The following COL27A1 variants were observed in gnomAD, a reference collection of about 807,000 sequenced individuals.
COL27A1 encodes collagen alpha-1(XXVII) chain.
Under a neutral mutation model 251.3 loss-of-function variants are expected in COL27A1, and 106 were observed. The ratio of observed to expected loss-of-function variants is 0.42; its 90% confidence interval spans 0.36 to 0.50. The LOEUF is 0.50. Among genes scored for constraint, COL27A1 ranks in the 20% least tolerant of loss-of-function variants. The pLI is 0.00. For missense variants in COL27A1, 2,325 were observed against 2,522.8 expected (o/e 0.92, Z 1.68); for synonymous variants, 1,000 against 986.3 (o/e 1.01, Z -0.26).
At chr9:114,240,868 G>C (rs554630902) in intron 21 of COL27A1, among the ~76,000 whole-genome samples, 7 of 152,304 alleles carry the variant, frequency 4.6e-5, no homozygotes, top group African/African-American at 1.7e-4. Flanking sequence ...GCCCAGAGAG[G>C]AAAAGAGACT....
chr9:114,178,158 T>A, intron 3 of COL27A1, 133 bp from the exon 4 acceptor site: 1 of 712,124 alleles, frequency 1.4e-6, no homozygotes, highest in Non-Finnish European at 2.5e-6. Flanking sequence ...GGCAGGGACC[T>A]CAGGGGACTC....
At chr9:114,276,704 C>T (rs1395981868) in intron 37 of COL27A1, among the ~76,000 whole-genome samples, 2 of 152,248 alleles carry the variant, frequency 1.3e-5, no homozygotes, top group African/African-American at 4.8e-5. Context: ...GAACTCTGCT[C>T]TTCCACCCTA....
intron 5 of COL27A1, among the ~76,000 whole-genome samples, chr9:114,189,590 T>C (rs1264177304): frequency 1.3e-5 from 2 of 152,250 alleles, no homozygotes; most frequent in Admixed American, 6.5e-5. Flanking sequence ...AATTGCCGTC[T>C]TTAAAATATT....
intron 27 of COL27A1, among the ~76,000 whole-genome samples, chr9:114,253,317 A>AAGAAAGAAAGAAAGAG (rs1179949305): frequency 4.7e-5 from 7 of 149,900 alleles, no homozygotes; most frequent in East Asian, 1.9e-4. Flanking sequence ...GAAAGAAAGA[A>AAGAAAGAAAGAAAGAG]AGAGAGAGGA....
intron 49 of COL27A1, 38 bp from the exon 50 acceptor site, chr9:114,300,032 G>A (rs376081923): frequency 6.2e-7 from 1 of 1,611,500 alleles, no homozygotes; most frequent in Non-Finnish European, 8.5e-7. Flanking sequence ...CGCTGACCAT[G>A]AGCTCACTCG....
intron 14 of COL27A1, among the ~76,000 whole-genome samples, chr9:114,224,704 G>A (rs1267386161): frequency 1.4e-5 from 2 of 141,404 alleles, no homozygotes; most frequent in Non-Finnish European, 3.0e-5. Context: ...CCAGGCTGGA[G>A]TTCAGTGGTG....
At chr9:114,202,416 C>T (rs1022378395) in intron 7 of COL27A1, among the ~76,000 whole-genome samples, 23 of 152,174 alleles carry the variant, frequency 1.5e-4, no homozygotes, top group African/African-American at 5.1e-4. Context: ...AGGATAATTA[C>T]TCATACAGAG....
intron 58 of COL27A1, 139 bp downstream of exon 58, chr9:114,306,827 G>A: frequency 1.1e-6 from 1 of 906,284 alleles, no homozygotes; most frequent in Non-Finnish European, 1.6e-6. Flanking sequence ...TATTCACTCA[G>A]CAGTCACAGA....
At chr9:114,182,690 G>A (rs1034468228) in intron 4 of COL27A1, among the ~76,000 whole-genome samples, 1 of 152,198 alleles carries the variant, frequency 6.6e-6, no homozygotes, top group Non-Finnish European at 1.5e-5. Context: ...TCAAGGTCCA[G>A]CTCTGCCTCT....
rs374157243 is a variant in COL27A1 at position 114,166,274 on chromosome 9, C to CCATCCATCCAT, written c.134-1414_134-1413insATCCATCCATC. ...ATCCATCTGTCCATCCATCCATCCA[C>CCATCCATCCAT]CCATCCATCCATCCATCTATTCATC... On this transcript the variant is annotated intron_variant, in intron 2 of 60. Coordinates refer to ENST00000356083, the MANE Select transcript of COL27A1 (RefSeq NM_032888.4). Among the ~76,000 whole-genome samples the CCATCCATCCAT allele has an allele frequency of 6.0e-4, 76 of 126,972 alleles. 1 individual carries two copies. Among genetic ancestry groups the CCATCCATCCAT allele is most frequent in the African/African-American group, 2.0e-3 (65 of 32,030 alleles). 83.3% of individuals were successfully genotyped at this position (126,972 alleles called of 152,430 possible).
chr9:114,221,387 C>A (rs1233509095), intron 13 of COL27A1, among the ~76,000 whole-genome samples: 1 of 152,180 alleles, frequency 6.6e-6, no homozygotes, highest in Non-Finnish European at 1.5e-5. Flanking sequence ...TGCGAGTTTC[C>A]TTGGCGAGCG....
chr9:114,288,496 G>A lies in COL27A1; in HGVS notation c.4029G>A (p.Gly1343=), dbSNP rs1028247631. Residue 1343 remains glycine, a synonymous_variant, in exon 42 of 61, where the codon GGG becomes GGA. Transcript: ENST00000356083. ...ACGGCAAGGCTGAGGGGCCCCCTGGGCCACCTGGAGATCGGGTAAGCCCCC... is the reference window on the plus strand; with the variant it reads ...ACGGCAAGGCTGAGGGGCCCCCTGGACCACCTGGAGATCGGGTAAGCCCCC... ...GEDGKAEGPP[G]PPGDRGPVGD... 4.9e-5 allele frequency: 78 copies of A among 1,607,380 alleles called. No homozygotes were observed. In the Admixed American group the frequency reaches 1.2e-3, roughly 26 times the overall value.
At chr9:114,309,119 G>C (rs924196449) in intron 59 of COL27A1, 141 bp from the exon 60 acceptor site, 1 of 741,020 alleles carries the variant, frequency 1.3e-6, no homozygotes, top group Non-Finnish European at 2.4e-6. Flanking sequence ...TCTATCAAGT[G>C]GGCACATGTC....
At chr9:114,159,158 G>A (rs1848323994) in intron 1 of COL27A1, among the ~76,000 whole-genome samples, 1 of 152,170 alleles carries the variant, frequency 6.6e-6, no homozygotes, top group African/African-American at 2.4e-5. Flanking sequence ...GGCCTTCAGG[G>A]CTGAAGTCCT....
At chr9:114,262,601 T>G (rs1196785080) in intron 28 of COL27A1, among the ~76,000 whole-genome samples, 2 of 152,234 alleles carry the variant, frequency 1.3e-5, no homozygotes, top group East Asian at 3.9e-4. Context: ...CATCGCCTCC[T>G]GTCTTGAGGG....
At position 114,309,224 on chromosome 9, in the gene COL27A1, C is replaced by T. The variant is rs369110673; in HGVS notation, c.5218-36C>T. ...CCCTCGGTGTGGGGGGTGTGGGGGGCAGCCTGAGCCGCTCACTGCCGTTGC... is the reference window on the plus strand; with the variant it reads ...CCCTCGGTGTGGGGGGTGTGGGGGGTAGCCTGAGCCGCTCACTGCCGTTGC... On this transcript the variant is annotated intron_variant, in intron 59 of 60. Coordinates refer to ENST00000356083, the MANE Select transcript of COL27A1 (RefSeq NM_032888.4). 2.8e-3 allele frequency: 4,495 copies of T among 1,585,734 alleles called. 139 individuals are homozygous for T. In the South Asian group the frequency reaches 0.047, roughly 17 times the overall value.
intron 7 of COL27A1, among the ~76,000 whole-genome samples, chr9:114,202,030 G>C (rs573158432): frequency 6.6e-6 from 1 of 152,172 alleles, no homozygotes; most frequent in African/African-American, 2.4e-5. Flanking sequence ...GGTAATTTCT[G>C]CCTCCTAGGA....
intron 21 of COL27A1, among the ~76,000 whole-genome samples, chr9:114,241,317 A>G (rs1258881861): frequency 6.6e-6 from 1 of 152,252 alleles, no homozygotes; most frequent in Non-Finnish European, 1.5e-5. Flanking sequence ...GCAGGCGGGC[A>G]TCCAGCTGAC....
At chr9:114,263,798 C>T (rs1251525447) in intron 28 of COL27A1, among the ~76,000 whole-genome samples, 2 of 152,150 alleles carry the variant, frequency 1.3e-5, no homozygotes, top group South Asian at 2.1e-4. Context: ...CTGCCCTGTT[C>T]CTGCCCCCAC....
Sources: gnomAD v4.1 joint callset for allele counts (sites outside exome capture counted in the v4.1 genomes callset) on GRCh38, gnomAD v4.1.1 for gene constraint, MANE v1.5 for transcripts, NCBI Gene and HGNC (gene_info 2026-07-23, HGNC 2026-07-21) for gene names.